SLC2A13: variants seen among roughly 807,000 people sequenced by gnomAD.
SLC2A13 encodes the protein proton myo-inositol cotransporter.
A neutral mutation model predicts 64.4 loss-of-function variants in SLC2A13; 32 were observed. That is an observed-to-expected ratio of 0.50 (90% CI 0.37 to 0.67). The LOEUF is 0.67. Among genes scored for constraint, SLC2A13 ranks in the 30% least tolerant of loss-of-function variants. The pLI is 0.00. For missense variants in SLC2A13, 743 were observed against 829.2 expected (o/e 0.90, Z 1.28); for synonymous variants, 338 against 327.1 (o/e 1.03, Z -0.36).
chr12:40,091,043 T>C (rs992320861), intron 1 of SLC2A13, among the ~76,000 whole-genome samples: 3 of 152,200 alleles, frequency 2.0e-5, no homozygotes, highest in Non-Finnish European at 4.4e-5. Context: ...CTAAGCTATA[T>C]GCTATAGCCT....
chr12:40,003,816 G>A (rs1164152107), intron 3 of SLC2A13, among the ~76,000 whole-genome samples: 6 of 151,620 alleles, frequency 4.0e-5, no homozygotes, highest in African/African-American at 7.3e-5. Flanking sequence ...TTCTGTAGAT[G>A]AGGACACCGA....
intron 6 of SLC2A13, among the ~76,000 whole-genome samples, chr12:39,842,855 T>C (rs929334772): frequency 2.6e-5 from 4 of 152,032 alleles, no homozygotes; most frequent in African/African-American, 9.7e-5. Flanking sequence ...TTTATATCAA[T>C]GTAATTATAC....
intron 7 of SLC2A13, among the ~76,000 whole-genome samples, chr12:39,807,853 T>G (rs575082677): frequency 6.6e-6 from 1 of 152,264 alleles, no homozygotes; most frequent in South Asian, 2.1e-4. Flanking sequence ...TTGTCTGTGA[T>G]GAAAAGTGTC....
intron 3 of SLC2A13, among the ~76,000 whole-genome samples, chr12:40,002,860 A>AG (rs398116353): frequency 6.6e-6 from 1 of 151,500 alleles, no homozygotes; most frequent in Non-Finnish European, 1.5e-5. Context: ...AAAAAAAAAA[A>AG]TGGGAGAAGG....
At chr12:39,804,891 A>G (rs1282400455) in intron 7 of SLC2A13, among the ~76,000 whole-genome samples, 1 of 151,060 alleles carries the variant, frequency 6.6e-6, no homozygotes, top group Admixed American at 6.6e-5. Context: ...TACTGTTTTG[A>G]CAGGGCTCTC....
At chr12:39,854,208 G>T (rs895154241) in intron 6 of SLC2A13, among the ~76,000 whole-genome samples, 3 of 151,894 alleles carry the variant, frequency 2.0e-5, no homozygotes, top group Non-Finnish European at 4.4e-5. Context: ...GATATAATCC[G>T]TCTGATCCTT....
intron 4 of SLC2A13, among the ~76,000 whole-genome samples, chr12:39,890,416 G>C (rs1465673989): frequency 6.6e-6 from 1 of 152,182 alleles, no homozygotes; most frequent in Non-Finnish European, 1.5e-5. Context: ...ACCTGGCAAA[G>C]GGAAAGTAAG....
rs1939297817 is a variant in SLC2A13, at chr12:40,105,981, A to G, written c.-173T>C. ...GCCGCCACGGCCGCTCCGGGGAGAAAGTTGCTGCCCGCCGCGCTCCGACGC... is the reference window on the plus strand; with the variant it reads ...GCCGCCACGGCCGCTCCGGGGAGAAGGTTGCTGCCCGCCGCGCTCCGACGC... On this transcript the variant is annotated 5_prime_UTR_variant, in exon 1 of 10. Transcript: ENST00000280871. This position sits in a 1 kb window ranked among gnomAD's most constrained non-coding sequence, Gnocchi z 4.2. 1.3e-6 allele frequency: 1 copy of G among 748,040 alleles called. No homozygotes were observed. The highest frequency in any genetic ancestry group is 1.9e-6 in the Non-Finnish European group (1 of 533,094). 46.3% of individuals were successfully genotyped at this position (748,040 alleles called of 1,614,324 possible).
chr12:40,054,666 A>G (rs1948308785), intron 1 of SLC2A13, among the ~76,000 whole-genome samples: 1 of 152,324 alleles, frequency 6.6e-6, no homozygotes. Flanking sequence ...ACACTACCAC[A>G]CTGCCAAGCT....
intron 6 of SLC2A13, among the ~76,000 whole-genome samples, chr12:39,837,883 A>G (rs2135865045): frequency 6.6e-6 from 1 of 151,276 alleles, no homozygotes; most frequent in East Asian, 2.0e-4. Flanking sequence ...ACACTTTTAC[A>G]CTGTTGGTGG....
chr12:39,999,959 C>G (rs1465846003), intron 3 of SLC2A13, among the ~76,000 whole-genome samples: 1 of 152,236 alleles, frequency 6.6e-6, no homozygotes, highest in Non-Finnish European at 1.5e-5. Context: ...TAAAATTCCT[C>G]TCTTTGTACT....
chr12:39,999,851 T>A (rs1261102772), intron 3 of SLC2A13, among the ~76,000 whole-genome samples: 1 of 152,152 alleles, frequency 6.6e-6, no homozygotes, highest in African/African-American at 2.4e-5. Context: ...TTGTACACCC[T>A]CCCCTTTTGA....
At position 40,013,341 on chromosome 12, in the gene SLC2A13, A is replaced by G. The variant is rs147528645; in HGVS notation, c.925+14960T>C. 2.1e-3 allele frequency among the ~76,000 whole-genome samples: 318 copies of G among 152,346 alleles called. 1 individual carries two copies. Among genetic ancestry groups the G allele is most frequent in the Middle Eastern group, 0.014 (4 of 294 alleles). Reference sequence around the variant, plus strand: ...AAAATATTATTGAATGAATACTTTTACAGAGCTTATAATGTGCCAGGCACT... The same window carrying G: ...AAAATATTATTGAATGAATACTTTTGCAGAGCTTATAATGTGCCAGGCACT... On this transcript the variant is annotated intron_variant, in intron 3 of 9. Coordinates refer to ENST00000280871, the MANE Select transcript of SLC2A13 (RefSeq NM_052885.4).
In SLC2A13 at chr12:39,942,019, T is replaced by C. The variant is rs112324988; in HGVS notation, c.1034+9238A>G. On this transcript the variant is annotated intron_variant, in intron 4 of 9. Transcript: ENST00000280871. The stretch of plus-strand genomic sequence containing the variant: ...TGCATTGTCGAAGATCAGTTGGCCT[T>C]AAGGATTTGGGTTTATTTCTGGGTT... Among the ~76,000 whole-genome samples the C allele has an allele frequency of 5.4e-3, 818 of 152,322 alleles. 6 individuals are homozygous for C. The highest frequency in any genetic ancestry group is 7.6e-3 in the Non-Finnish European group (515 of 68,026).
intron 6 of SLC2A13, among the ~76,000 whole-genome samples, chr12:39,839,241 G>A (rs907507289): frequency 2.0e-5 from 3 of 152,016 alleles, no homozygotes; most frequent in Admixed American, 2.0e-4. Flanking sequence ...CCTCGTGAAG[G>A]ACAGATTCCT....
chr12:40,083,472 G>A (rs948032190), intron 1 of SLC2A13, among the ~76,000 whole-genome samples: 1 of 152,128 alleles, frequency 6.6e-6, no homozygotes, highest in African/African-American at 2.4e-5. Context: ...AGACCCCAGG[G>A]ATCCCTTTTC....
At chr12:39,904,818 T>C (rs1442734517) in intron 4 of SLC2A13, among the ~76,000 whole-genome samples, 1 of 152,154 alleles carries the variant, frequency 6.6e-6, no homozygotes, top group Non-Finnish European at 1.5e-5. Flanking sequence ...ATTTGTTGAA[T>C]GAATACCTAT....
chr12:40,036,798 T>G (rs2128276), intron 2 of SLC2A13, among the ~76,000 whole-genome samples: 35,868 of 152,074 alleles, frequency 0.24, 4,668 homozygotes, highest in Middle Eastern at 0.36. Context: ...CTTTTCTGGT[T>G]GAATGAATGT....
At chr12:40,001,437 T>G (rs1319979104) in intron 3 of SLC2A13, among the ~76,000 whole-genome samples, 1 of 152,262 alleles carries the variant, frequency 6.6e-6, no homozygotes, top group Non-Finnish European at 1.5e-5. Context: ...AAAATTGCCT[T>G]ACACCAAAAA....
Sources: allele counts gnomAD v4.1 joint callset (sites outside exome capture counted in the v4.1 genomes callset), GRCh38; gene constraint gnomAD v4.1.1; non-coding constraint Gnocchi (gnomAD v3.1); transcripts MANE v1.5; gene names NCBI Gene and HGNC (gene_info 2026-07-23, HGNC 2026-07-21).